Variants in GNAZ observed in about 807,000 individuals in gnomAD.
GNAZ encodes the protein guanine nucleotide-binding protein G(z) subunit alpha.
A neutral mutation model predicts 25.4 loss-of-function variants in GNAZ; 3 were observed. The observed-to-expected ratio is 0.12, with a 90% CI of 0.05 to 0.30. The LOEUF is 0.30. Among genes scored for constraint, GNAZ ranks in the 10% least tolerant of loss-of-function variants. The probability of loss-of-function intolerance (pLI) is 1.00; values close to 1 mark genes in which losing one functional copy is unlikely to be tolerated. For synonymous variants in GNAZ, 211 were observed against 205.7 expected (o/e 1.03, Z -0.22); for missense variants, 241 against 501.8 (o/e 0.48, Z 4.97).
chr22:23,109,649 C>T (rs2069587591), intron 2 of GNAZ, among the ~76,000 whole-genome samples: 1 of 152,148 alleles, frequency 6.6e-6, no homozygotes, highest in African/African-American at 2.4e-5. Flanking sequence ...TGGAACAGAG[C>T]CCTCCGTGCA....
intron 1 of GNAZ, among the ~76,000 whole-genome samples, chr22:23,091,458 A>C (rs2068972775): frequency 6.6e-6 from 1 of 151,870 alleles, no homozygotes; most frequent in South Asian, 2.1e-4. Context: ...GGTCCTATGC[A>C]TACACACACA....
chr22:23,116,065 G>A (rs921513677), intron 2 of GNAZ, among the ~76,000 whole-genome samples: 1 of 152,272 alleles, frequency 6.6e-6, no homozygotes, highest in Non-Finnish European at 1.5e-5. Context: ...AGTCAAACAG[G>A]TGCCAGCCTC....
chr22:23,087,797 T>C (rs1047986006), intron 1 of GNAZ, among the ~76,000 whole-genome samples: 5 of 152,174 alleles, frequency 3.3e-5, no homozygotes, highest in Non-Finnish European at 7.3e-5. Context: ...GCCAGTTTAT[T>C]GATCTGGGTG....
Position 23,123,275 on chromosome 22 carries a change from C to G in GNAZ, c.912C>G (p.Ile304Met). 2 of 1,613,918 alleles carry G rather than the reference C, an allele frequency of 1.2e-6. No homozygotes were observed. Among genetic ancestry groups the G allele is most frequent in the Non-Finnish European group, 1.7e-6 (2 of 1,179,816 alleles). The change falls in exon 3 of 3, where the codon ATC (isoleucine) becomes ATG (methionine). Residue 304 changes from isoleucine (I) to methionine (M), a missense_variant. Physicochemically the swap from Ile to Met is conservative, Grantham distance 10 (BLOSUM62 1). Transcript: ENST00000615612. ...CGTACGAGGAGGCCGCTGTCTACAT[C>G]CAGCGGCAGTTTGAAGACCTGAACC... Reference protein sequence around the residue: ...QNTYEEAAVYIQRQFEDLNRN... With the variant: ...QNTYEEAAVYMQRQFEDLNRN...
intron 2 of GNAZ, among the ~76,000 whole-genome samples, chr22:23,102,410 G>A (rs2069329612): frequency 6.6e-6 from 1 of 152,228 alleles, no homozygotes; most frequent in Admixed American, 6.5e-5. Context: ...TCTGCTCCCA[G>A]GGAGGATGCA....
chr22:23,095,945 A>G lies in GNAZ; in HGVS notation c.250A>G (p.Ile84Val). 6.2e-7 allele frequency: 1 copy of G among 1,612,758 alleles called. No individual in the cohort carries two copies. Among genetic ancestry groups the G allele is most frequent in the Non-Finnish European group, 8.5e-7 (1 of 1,180,030 alleles). Reference sequence around the variant, plus strand: ...CAATGCCATCGACTCGCTGACCCGCATCATCCGGGCCCTGGCCGCCCTCAG... The same window carrying G: ...CAATGCCATCGACTCGCTGACCCGCGTCATCCGGGCCCTGGCCGCCCTCAG... Reference protein sequence around the residue: ...IYNAIDSLTRIIRALAALRID... With the variant: ...IYNAIDSLTRVIRALAALRID... Residue 84 changes from isoleucine (I) to valine (V), a missense_variant, in exon 2 of 3, where the codon ATC becomes GTC. By Grantham distance (29) the Ile-to-Val change is conservative (BLOSUM62 3). Coordinates refer to ENST00000615612, the MANE Select transcript of GNAZ (RefSeq NM_002073.4).
At chr22:23,093,940 G>C (rs567691636) in intron 1 of GNAZ, among the ~76,000 whole-genome samples, 1 of 152,304 alleles carries the variant, frequency 6.6e-6, no homozygotes, top group East Asian at 1.9e-4. Context: ...GCCAGGACTA[G>C]TGGTCAAGGT....
intron 2 of GNAZ, among the ~76,000 whole-genome samples, chr22:23,102,661 C>G (rs2069339056): frequency 6.6e-6 from 1 of 152,240 alleles, no homozygotes; most frequent in Admixed American, 6.5e-5. Context: ...TCCTCATCAT[C>G]ATGAACCTGG....
rs1440148843 is a variant in GNAZ, at chr22:23,096,551, T to C, written c.723+133T>C. On this transcript the variant is annotated intron_variant, in intron 2 of 2. Transcript: ENST00000615612. Reference sequence around the variant, plus strand: ...GCGCAGGCCTGGCCCTGCTGCACGATAACTGAGGCAGCTCCAGCAAGGTGG... The same window carrying C: ...GCGCAGGCCTGGCCCTGCTGCACGACAACTGAGGCAGCTCCAGCAAGGTGG... 4.3e-6 allele frequency: 4 copies of C among 921,368 alleles called. No individual in the cohort carries two copies. In the Admixed American group the frequency reaches 6.9e-5, roughly 16 times the overall value. The allele number at this position is 921,368 out of a possible 1,614,324, so 57.1% of individuals were successfully genotyped here.
intron 2 of GNAZ, among the ~76,000 whole-genome samples, chr22:23,099,071 C>T (rs1282227222): frequency 6.6e-6 from 1 of 152,244 alleles, no homozygotes; most frequent in East Asian, 1.9e-4. Flanking sequence ...TCCTTCCGTG[C>T]TCAGCTTCCA....
intron 1 of GNAZ, among the ~76,000 whole-genome samples, chr22:23,083,097 C>T (rs1016817049): frequency 6.6e-6 from 1 of 152,192 alleles, no homozygotes; most frequent in Non-Finnish European, 1.5e-5. Flanking sequence ...AGAGGACTCT[C>T]CACACAGACA....
chr22:23,119,694 A>T (rs2069955546), intron 2 of GNAZ, among the ~76,000 whole-genome samples: 3 of 152,180 alleles, frequency 2.0e-5, no homozygotes, highest in Admixed American at 2.0e-4. Flanking sequence ...GGACGCTGGG[A>T]TGGAGTGAGG....
In GNAZ at chr22:23,096,220, C is replaced by G. The variant is rs1485440291; in HGVS notation, c.525C>G (p.Ile175Met). Residue 175 changes from isoleucine (I) to methionine (M), a missense_variant, in exon 2 of 3, where the codon ATC becomes ATG. By Grantham distance (10) the Ile-to-Met change is conservative. Coordinates refer to ENST00000615612, the MANE Select transcript of GNAZ (RefSeq NM_002073.4). ...ACTATATCCCCACTGTCGAGGACATCCTGCGCTCCCGGGACATGACCACGG... is the reference window on the plus strand; with the variant it reads ...ACTATATCCCCACTGTCGAGGACATGCTGCGCTCCCGGGACATGACCACGG... The part of the protein sequence containing the change: ...AADYIPTVED[I>M]LRSRDMTTGI... 1 of 1,613,766 alleles carries G rather than the reference C, an allele frequency of 6.2e-7. No homozygotes were observed. The highest frequency in any genetic ancestry group is 1.3e-5 in the African/African-American group (1 of 74,934).
At chr22:23,104,910 GA>G (rs2146342529) in intron 2 of GNAZ, among the ~76,000 whole-genome samples, 1 of 152,312 alleles carries the variant, frequency 6.6e-6, no homozygotes, top group African/African-American at 2.4e-5. Flanking sequence ...TCTCAGGGGG[GA>G]CACCCAGTGT....
chr22:23,123,534 T>A lies in GNAZ; in HGVS notation c.*103T>A. ...ATCCAGGGGCAGAAAACAGGGGGCC[T>A]AAAGAATGTCCCCCACCCCTTGGCC... On this transcript the variant is annotated 3_prime_UTR_variant, in exon 3 of 3. Transcript: ENST00000615612. 1 of 696,188 alleles carries A rather than the reference T, an allele frequency of 1.4e-6. No homozygotes were observed. The highest frequency in any genetic ancestry group is 2.4e-6 in the Non-Finnish European group (1 of 410,930). 43.1% of individuals were successfully genotyped at this position (696,188 alleles called of 1,614,324 possible).
rs771539649 is a variant in GNAZ, at chr22:23,095,873, G to A, written c.178G>A (p.Gly60Ser). The A allele has an allele frequency of 1.2e-6, 2 of 1,613,716 alleles. No homozygotes were observed. The highest frequency in any genetic ancestry group is 1.7e-6 in the Non-Finnish European group (2 of 1,179,990). ...ACAGATGAAGATCATCCACAGCGGCGGCTTCAACCTGGAGGCCTGCAAGGA... is the reference window on the plus strand; with the variant it reads ...ACAGATGAAGATCATCCACAGCGGCAGCTTCAACCTGGAGGCCTGCAAGGA... ...VKQMKIIHSG[G>S]FNLEACKEYK... is the part of the protein sequence containing the mutation. Residue 60 changes from glycine (G) to serine (S), a missense_variant, in exon 2 of 3, where the codon GGC (glycine) becomes AGC (serine). Coordinates refer to ENST00000615612, the MANE Select transcript of GNAZ (RefSeq NM_002073.4).
rs143475223 is a variant in GNAZ, at chr22:23,095,935, G to T, written c.240G>T (p.Ser80=). Reference sequence around the variant, plus strand: ...TCATCATCTACAATGCCATCGACTCGCTGACCCGCATCATCCGGGCCCTGG... The same window carrying T: ...TCATCATCTACAATGCCATCGACTCTCTGACCCGCATCATCCGGGCCCTGG... The part of the protein sequence containing the change: ...KPLIIYNAID[S]LTRIIRALAA... Residue 80 remains serine, a synonymous_variant, in exon 2 of 3, where the codon TCG becomes TCT. Coordinates refer to ENST00000615612, the MANE Select transcript of GNAZ (RefSeq NM_002073.4). The T allele has an allele frequency of 1.9e-6, 3 of 1,612,936 alleles. No homozygotes were observed. Among genetic ancestry groups the T allele is most frequent in the South Asian group, 2.2e-5 (2 of 91,090 alleles).
chr22:23,120,530 C>T (rs2069986743), intron 2 of GNAZ, among the ~76,000 whole-genome samples: 1 of 152,158 alleles, frequency 6.6e-6, no homozygotes, highest in South Asian at 2.1e-4. Flanking sequence ...CCTCCTCTTA[C>T]CTAAATTCCA....
At chr22:23,086,712 T>C (rs1414458610) in intron 1 of GNAZ, among the ~76,000 whole-genome samples, 1 of 152,230 alleles carries the variant, frequency 6.6e-6, no homozygotes, top group Non-Finnish European at 1.5e-5. Context: ...GTGAGGACAC[T>C]GGACCATGAC....
Sources: gnomAD v4.1 joint callset for allele counts (sites outside exome capture counted in the v4.1 genomes callset) on GRCh38, gnomAD v4.1.1 for gene constraint, MANE v1.5 for transcripts, NCBI Gene and HGNC (gene_info 2026-07-23, HGNC 2026-07-21) for gene names.